DMRT1: variants seen among roughly 807,000 people sequenced by gnomAD.
DMRT1 encodes doublesex- and mab-3-related transcription factor 1.
Under a neutral mutation model 32.3 loss-of-function variants are expected in DMRT1, and 7 were observed. The ratio of observed to expected loss-of-function variants is 0.22; its 90% CI spans 0.12 to 0.41. The LOEUF (loss-of-function observed/expected upper bound fraction) is 0.41, where lower values mean the gene tolerates loss of function less well. Ranked by LOEUF, DMRT1 falls within the 10% of genes least tolerant of loss-of-function variation. The pLI, the probability that DMRT1 is intolerant of heterozygous loss-of-function variation, is 1.00. For missense variants in DMRT1, 625 were observed against 500.5 expected (o/e 1.25, Z -2.37); for synonymous variants, 278 against 206.1 (o/e 1.35, Z -2.99).
intron 2 of DMRT1, among the ~76,000 whole-genome samples, chr9:878,210 C>T (rs535346698): frequency 7.8e-6 from 1 of 127,472 alleles, no homozygotes. Context: ...GCCCCCCCCC[C>T]ACCCAATAAA....
chr9:958,157 T>A (rs1819659222), intron 4 of DMRT1, among the ~76,000 whole-genome samples: 1 of 152,228 alleles, frequency 6.6e-6, no homozygotes, highest in Non-Finnish European at 1.5e-5. Flanking sequence ...ATGTTCACCC[T>A]AAATAGTATT....
At chr9:847,317 C>A (rs151275861) in intron 2 of DMRT1, among the ~76,000 whole-genome samples, 174 bp downstream of exon 2, 1 of 152,246 alleles carries the variant, frequency 6.6e-6, no homozygotes, top group Admixed American at 6.5e-5. Context: ...AGGAGGGGGC[C>A]GTGAATTCTA....
At chr9:847,258 T>G in intron 2 of DMRT1, 115 bp downstream of exon 2, 1 of 1,149,878 alleles carries the variant, frequency 8.7e-7, no homozygotes. Flanking sequence ...GCTTAGAGGA[T>G]TCTGTAGAGG....
At chr9:882,644 C>A (rs1296811748) in intron 2 of DMRT1, among the ~76,000 whole-genome samples, 1 of 152,014 alleles carries the variant, frequency 6.6e-6, no homozygotes, top group Non-Finnish European at 1.5e-5. Context: ...CAAATCAAGA[C>A]CTGCTCACCT....
At chr9:878,770 G>A (rs534967466) in intron 2 of DMRT1, among the ~76,000 whole-genome samples, 182 of 152,272 alleles carry the variant, frequency 1.2e-3, no homozygotes, top group African/African-American at 4.3e-3. Context: ...AACATTTATT[G>A]AGCACTCAAC....
chr9:876,483 A>G (rs766847464), intron 2 of DMRT1, among the ~76,000 whole-genome samples: 4 of 150,984 alleles, frequency 2.6e-5, no homozygotes, highest in Non-Finnish European at 4.4e-5. Context: ...GTAGTCATTT[A>G]TATTCTTTTC....
Position 944,459 on chromosome 9 carries a change from C to T in DMRT1, c.968-23526C>T, listed in dbSNP as rs181877667. 2.0e-5 allele frequency among the ~76,000 whole-genome samples: 3 copies of T among 152,306 alleles called. No individual in the cohort carries two copies. In the East Asian group the frequency reaches 5.8e-4, roughly 29 times the overall value. On this transcript the variant is annotated intron_variant, in intron 4 of 4. Coordinates refer to ENST00000382276, the MANE Select transcript of DMRT1 (RefSeq NM_021951.3). ...AGCAGCTCACTCCCCTCTTGCTCCTCCCTCCTTTGAGAGAAAATGATTTGA... is the reference window on the plus strand; with the variant it reads ...AGCAGCTCACTCCCCTCTTGCTCCTTCCTCCTTTGAGAGAAAATGATTTGA...
chr9:854,589 C>G (rs1007393817), intron 2 of DMRT1, among the ~76,000 whole-genome samples: 5 of 152,046 alleles, frequency 3.3e-5, no homozygotes, highest in African/African-American at 1.2e-4. Context: ...TGGATTGAGA[C>G]TTTATTTTTG....
chr9:921,587 C>T lies in DMRT1; in HGVS notation c.967+4680C>T, dbSNP rs371984145. On this transcript the variant is annotated intron_variant, in intron 4 of 4. Coordinates refer to ENST00000382276, the MANE Select transcript of DMRT1 (RefSeq NM_021951.3). ...ATGTTACTGTTTTTCACAGCAGCTG[C>T]ATCGTTTTATATTCTTACCATAGTA... is the stretch of plus-strand genomic sequence containing the variant. Among the ~76,000 whole-genome samples, 3 of 152,226 alleles carry T rather than the reference C, an allele frequency of 2.0e-5. No individual in the cohort carries two copies. In the East Asian group the frequency reaches 5.8e-4, roughly 29 times the overall value.
chr9:870,243 C>A (rs1816179360), intron 2 of DMRT1, among the ~76,000 whole-genome samples: 1 of 152,002 alleles, frequency 6.6e-6, no homozygotes, highest in African/African-American at 2.4e-5. Flanking sequence ...ACTAAAAATA[C>A]AAAAAATTAG....
At chr9:952,352 C>G (rs1422444782) in intron 4 of DMRT1, among the ~76,000 whole-genome samples, 1 of 152,146 alleles carries the variant, frequency 6.6e-6, no homozygotes, top group African/African-American at 2.4e-5. Context: ...CCTTAGAGTA[C>G]TCGGCTCCCA....
chr9:891,054 A>G (rs141238697), intron 2 of DMRT1, among the ~76,000 whole-genome samples: 628 of 152,052 alleles, frequency 4.1e-3, no homozygotes, highest in Non-Finnish European at 7.7e-3. Context: ...GAAAAGTGAA[A>G]CAAGGCCAGG....
intron 2 of DMRT1, among the ~76,000 whole-genome samples, chr9:877,366 A>G (rs1247923621): frequency 6.6e-6 from 1 of 152,182 alleles, no homozygotes; most frequent in Non-Finnish European, 1.5e-5. Context: ...GTTCTGAAGG[A>G]GGCGATGGTA....
intron 2 of DMRT1, among the ~76,000 whole-genome samples, chr9:893,337 G>A (rs188299321): frequency 5.9e-5 from 9 of 152,232 alleles, no homozygotes; most frequent in Admixed American, 1.3e-4. Flanking sequence ...TGCAACACAA[G>A]CATGCTGCAG....
intron 2 of DMRT1, among the ~76,000 whole-genome samples, chr9:860,092 T>G (rs1026824039): frequency 6.6e-6 from 1 of 151,734 alleles, no homozygotes. Flanking sequence ...AGGTCAGGAG[T>G]TCAAGACCAG....
At chr9:861,206 C>T (rs766714202) in intron 2 of DMRT1, among the ~76,000 whole-genome samples, 2 of 151,792 alleles carry the variant, frequency 1.3e-5, no homozygotes, top group Admixed American at 6.6e-5. Flanking sequence ...AGGGCCCTGC[C>T]GCCTTCCGTC....
intron 3 of DMRT1, among the ~76,000 whole-genome samples, chr9:899,927 A>C (rs1393481093): frequency 1.3e-5 from 2 of 152,190 alleles, no homozygotes; most frequent in Admixed American, 6.5e-5. Flanking sequence ...GCCAAATGGC[A>C]GCACTGGCAG....
chr9:950,242 G>A (rs1466368170), intron 4 of DMRT1, among the ~76,000 whole-genome samples: 2 of 152,024 alleles, frequency 1.3e-5, no homozygotes, highest in Non-Finnish European at 2.9e-5. Flanking sequence ...CTGTCTTTTT[G>A]CAGCAAAATC....
chr9:945,500 T>G (rs2129929189), intron 4 of DMRT1, among the ~76,000 whole-genome samples: 1 of 152,338 alleles, frequency 6.6e-6, no homozygotes, highest in South Asian at 2.1e-4. Context: ...ATTTCGTACT[T>G]TCATCAAGAT....
Sources: gnomAD v4.1 joint callset for allele counts (sites outside exome capture counted in the v4.1 genomes callset) on GRCh38, gnomAD v4.1.1 for gene constraint, MANE v1.5 for transcripts, NCBI Gene and HGNC (gene_info 2026-07-23, HGNC 2026-07-21) for gene names.